LYPD6B: variants seen among roughly 807,000 people sequenced by gnomAD.
LYPD6B encodes LY6/PLAUR domain containing 6B, also known as ly6/PLAUR domain-containing protein 6B.
LYPD6B carries 17 observed loss-of-function variants against 22.8 expected under a neutral mutation model. The observed-to-expected ratio is 0.75, with a 90% confidence interval of 0.51 to 1.12. LYPD6B has a LOEUF of 1.12. LYPD6B is among the 50% of genes most tolerant of loss of function. The probability of loss-of-function intolerance (pLI) is 0.00; values close to 1 mark genes in which losing one functional copy is unlikely to be tolerated. For missense variants in LYPD6B, 221 were observed against 258.3 expected, an observed-to-expected ratio of 0.86 and a Z score of 0.99; for synonymous variants, 106 against 91.6, an observed-to-expected ratio of 1.16 and a Z score of -0.90.
At chr2:149,209,564 G>A (rs929621851) in intron 5 of LYPD6B, among the ~76,000 whole-genome samples, 6 of 152,084 alleles carry the variant, frequency 3.9e-5, no homozygotes, top group Admixed American at 1.3e-4. Context: ...TTGGTCTACT[G>A]TTACCCGGAA....
intron 3 of LYPD6B, among the ~76,000 whole-genome samples, chr2:149,197,357 C>T (rs1259049218): frequency 1.3e-5 from 2 of 152,118 alleles, no homozygotes; most frequent in African/African-American, 4.8e-5. Flanking sequence ...ACTAAAAATA[C>T]AAAAATTAGC....
chr2:149,046,116 A>T (rs562166937), intron 1 of LYPD6B, among the ~76,000 whole-genome samples: 2 of 152,260 alleles, frequency 1.3e-5, no homozygotes, highest in East Asian at 1.9e-4. Context: ...CTTGGAGAAC[A>T]TCTTGATCCC....
chr2:149,148,206 T>C (rs1689158065), intron 2 of LYPD6B, among the ~76,000 whole-genome samples: 1 of 152,218 alleles, frequency 6.6e-6, no homozygotes, highest in African/African-American at 2.4e-5. Context: ...GGATATTTCT[T>C]CTAAAAGCTT....
chr2:149,189,342 T>TTATATATATA (rs770703554), intron 3 of LYPD6B, among the ~76,000 whole-genome samples: 1,961 of 65,640 alleles, frequency 0.03, 76 homozygotes, highest in Non-Finnish European at 0.035. Flanking sequence ...TTGTCCAAAA[T>TTATATATATA]TATATATATA....
At chr2:149,132,229 G>A (rs1688074166) in intron 2 of LYPD6B, among the ~76,000 whole-genome samples, 1 of 150,052 alleles carries the variant, frequency 6.7e-6, no homozygotes, top group South Asian at 2.2e-4. Context: ...ATTTTCCAGG[G>A]CCATGCCAGA....
chr2:149,168,459 C>G lies in LYPD6B; in HGVS notation c.77+7624C>G, dbSNP rs1690586162. Among the ~76,000 whole-genome samples the G allele has an allele frequency of 2.6e-5, 4 of 152,238 alleles. No homozygotes were observed. The South Asian group carries it at 8.3e-4, about 32-fold the overall frequency. On this transcript the variant is annotated intron_variant, in intron 3 of 6. Coordinates refer to ENST00000409642, the MANE Select transcript of LYPD6B (RefSeq NM_177964.5). ...ATTCCAAATTTAACTTTAACCTGCC[C>G]TTGAAATTTCATCCTTAGAAAGTCT...
At chr2:149,151,211 A>G (rs999662721) in intron 2 of LYPD6B, among the ~76,000 whole-genome samples, 5 of 152,052 alleles carry the variant, frequency 3.3e-5, no homozygotes, top group African/African-American at 1.2e-4. Context: ...TGGTGGGTAT[A>G]TATGGTGTCC....
At chr2:149,169,957 A>G (rs1317921447) in intron 3 of LYPD6B, among the ~76,000 whole-genome samples, 1 of 152,170 alleles carries the variant, frequency 6.6e-6, no homozygotes, top group Non-Finnish European at 1.5e-5. Flanking sequence ...TCTCCAGGCA[A>G]TGGGAGTCTA....
chr2:149,126,825 C>T (rs950384150), intron 1 of LYPD6B, among the ~76,000 whole-genome samples: 4 of 152,174 alleles, frequency 2.6e-5, no homozygotes, highest in African/African-American at 9.7e-5. Context: ...CCTTCTAGGA[C>T]GTCCATTAGA....
At chr2:149,150,897 T>G (rs1025159495) in intron 2 of LYPD6B, among the ~76,000 whole-genome samples, 1 of 112,412 alleles carries the variant, frequency 8.9e-6, no homozygotes, top group Non-Finnish European at 1.9e-5. Flanking sequence ...TCTTTAACCC[T>G]TCTACTGATT....
At position 149,214,738 on chromosome 2, in the gene LYPD6B, C is replaced by G; in HGVS notation, c.*28C>G. On this transcript the variant is annotated 3_prime_UTR_variant, in exon 7 of 7. Coordinates refer to ENST00000409642, the MANE Select transcript of LYPD6B (RefSeq NM_177964.5). ...CCACCATTCCTAGGAGAGGCAGAGA[C>G]CAGCCTCTAAAGCACAAGCCAAAAA... The G allele has an allele frequency of 6.2e-7, 1 of 1,611,344 alleles. No homozygotes were observed. Among genetic ancestry groups the G allele is most frequent in the Non-Finnish European group, 8.5e-7 (1 of 1,177,670 alleles).
At chr2:149,141,905 C>G (rs1411236723) in intron 2 of LYPD6B, 4 of 152,108 alleles carry the variant, frequency 2.6e-5, no homozygotes. Flanking sequence ...TTTGGTGTTC[C>G]CTGGTTTGCA....
At chr2:149,176,102 A>T (rs1691284163) in intron 3 of LYPD6B, among the ~76,000 whole-genome samples, 1 of 152,234 alleles carries the variant, frequency 6.6e-6, no homozygotes, top group South Asian at 2.1e-4. Flanking sequence ...CAAGCAGCAC[A>T]GTAAGTTTGT....
intron 2 of LYPD6B, among the ~76,000 whole-genome samples, chr2:149,154,853 G>A (rs966798671): frequency 2.6e-5 from 4 of 152,134 alleles, no homozygotes; most frequent in African/African-American, 9.7e-5. Context: ...GGGACCGAAA[G>A]AGATACAAGA....
At chr2:149,144,152 T>G (rs1007238464) in intron 2 of LYPD6B, among the ~76,000 whole-genome samples, 1 of 152,188 alleles carries the variant, frequency 6.6e-6, no homozygotes, top group Non-Finnish European at 1.5e-5. Flanking sequence ...TATAGTATGA[T>G]GGTGGAGATG....
intron 2 of LYPD6B, among the ~76,000 whole-genome samples, chr2:149,146,022 G>C (rs1230512609): frequency 6.6e-6 from 1 of 152,176 alleles, no homozygotes; most frequent in Admixed American, 6.5e-5. Flanking sequence ...AGACAGTTCT[G>C]CTGAGATAGT....
intron 1 of LYPD6B, among the ~76,000 whole-genome samples, chr2:149,069,760 T>C (rs1415362123): frequency 3.3e-5 from 5 of 152,090 alleles, no homozygotes; most frequent in African/African-American, 9.7e-5. Flanking sequence ...TGCCCAGTTG[T>C]CCATAGTGCT....
chr2:149,120,380 TATA>T (rs1483094920), intron 1 of LYPD6B, among the ~76,000 whole-genome samples: 1 of 43,014 alleles, frequency 2.3e-5, no homozygotes, highest in Admixed American at 3.0e-4. Context: ...TATATATATA[TATA>T]TTTTTTTTTT....
intron 3 of LYPD6B, among the ~76,000 whole-genome samples, chr2:149,175,059 C>CTGTGTG (rs1281402106): frequency 8.3e-4 from 97 of 116,268 alleles, no homozygotes; most frequent in African/African-American, 2.5e-3. Flanking sequence ...CTCTCTCTCT[C>CTGTGTG]TCTGTGTGTG....
Sources: allele counts gnomAD v4.1 joint callset (sites outside exome capture counted in the v4.1 genomes callset), GRCh38; gene constraint gnomAD v4.1.1; transcripts MANE v1.5; gene names NCBI Gene and HGNC (gene_info 2026-07-23, HGNC 2026-07-21).